PRSS57: variants seen among roughly 807,000 people sequenced by gnomAD.
PRSS57 encodes serine protease 57.
PRSS57 carries 19 observed loss-of-function variants against 20.6 expected under a neutral mutation model. The observed-to-expected ratio is 0.92, with a 90% confidence interval of 0.64 to 1.35. The LOEUF (loss-of-function observed/expected upper bound fraction) is 1.35, where lower values mean the gene tolerates loss of function less well. Ranked by LOEUF, PRSS57 falls within the 40% of genes most tolerant of loss-of-function variation. The pLI is 0.00. For missense variants in PRSS57, 440 were observed against 403.7 expected (o/e 1.09, Z -0.77); for synonymous variants, 203 against 176.6 (o/e 1.15, Z -1.19).
At chr19:692,852 CTTA>C (rs1317511452) in intron 2 of PRSS57, among the ~76,000 whole-genome samples, 1 of 151,800 alleles carries the variant, frequency 6.6e-6, no homozygotes, top group African/African-American at 2.4e-5. Context: ...GAAGATAATA[CTTA>C]TTATATTTAT....
rs375847605 is a variant in PRSS57, at chr19:691,965, C to T, written c.271G>A (p.Val91Ile). 1.3e-5 allele frequency: 17 copies of T among 1,327,386 alleles called. No homozygotes were observed. Among genetic ancestry groups the T allele is most frequent in the Middle Eastern group, 2.0e-4 (1 of 4,968 alleles). The allele number at this position is 1,327,386 out of a possible 1,614,324, so 82.2% of individuals were successfully genotyped here. A position where few individuals can be genotyped will look rare whatever the true frequency, so the allele number is the denominator to read the frequency against. Residue 91 changes from valine to isoleucine, a missense_variant, in exon 3 of 5, where the codon GTC (valine) becomes ATC (isoleucine). Transcript: ENST00000329267. Reference protein sequence around the residue: ...RTGLVVLGAHVLSTAEPTQQV... With the variant: ...RTGLVVLGAHILSTAEPTQQV... ...TGGGTGGGCTCCGCAGTACTCAGGACGTGGGCGCCCAGCACCACCAGGCCA... is the reference window on the plus strand; with the variant it reads ...TGGGTGGGCTCCGCAGTACTCAGGATGTGGGCGCCCAGCACCACCAGGCCA...
intron 3 of PRSS57, chr19:691,241 C>G (rs1464971598): frequency 6.4e-6 from 1 of 155,292 alleles, no homozygotes; most frequent in East Asian, 1.9e-4. Flanking sequence ...CACGATGGCT[C>G]ACGCCTGTAA....
Position 691,983 on chromosome 19 carries a change from C to G in PRSS57, c.253G>C (p.Val85Leu), listed in dbSNP as rs1436562442. Residue 85 changes from valine (V) to leucine (L), a missense_variant, in exon 3 of 5, where the codon GTG becomes CTG. Physicochemically the swap from Val to Leu is conservative, Grantham distance 32 (BLOSUM62 1). Transcript: ENST00000329267. ...CTCAGGACGTGGGCGCCCAGCACCA[C>G]CAGGCCAGTGCGGAGGTCTCTGCAG... ...FSHRDLRTGL[V>L]VLGAHVLSTA... 7.5e-7 allele frequency: 1 copy of G among 1,326,016 alleles called. No homozygotes were observed. Among genetic ancestry groups the G allele is most frequent in the African/African-American group, 1.5e-5 (1 of 66,424 alleles). 82.1% of individuals were successfully genotyped at this position (1,326,016 alleles called of 1,614,324 possible).
In PRSS57 at chr19:685,576, G is replaced by T. The variant is rs572928206; in HGVS notation, c.*140C>A. The stretch of plus-strand genomic sequence containing the variant: ...TTAACATTTTACTGGGTTTGCTTCT[G>T]CCCTTTGCATGTGGAATGGGTGTGC... On this transcript the variant is annotated 3_prime_UTR_variant, in exon 5 of 5. Transcript: ENST00000329267. 6.7e-5 allele frequency: 53 copies of T among 786,596 alleles called. No individual in the cohort carries two copies. The Admixed American group carries it at 1.1e-3, about 17-fold the overall frequency. 48.7% of individuals were successfully genotyped at this position (786,596 alleles called of 1,614,324 possible).
Position 687,046 on chromosome 19 carries a change from A to T in PRSS57, c.521T>A (p.Leu174Gln), listed in dbSNP as rs762235250. 6.2e-7 allele frequency: 1 copy of T among 1,614,050 alleles called. No homozygotes were observed. The part of the protein sequence containing the change: ...VSDFEELPPG[L>Q]MEAKVRVLDP... Reference sequence around the variant, plus strand: ...CAGCACTCGGACCTTGGCCTCCATCAGTCCAGGCGGCAGCTCCTCAAAGTC... The same window carrying T: ...CAGCACTCGGACCTTGGCCTCCATCTGTCCAGGCGGCAGCTCCTCAAAGTC... The change falls in exon 4 of 5, where the codon CTG (leucine) becomes CAG (glutamine). Residue 174 changes from leucine to glutamine, a missense_variant. Transcript: ENST00000329267.
chr19:691,886 G>A lies in PRSS57; in HGVS notation c.350C>T (p.Thr117Ile). The A allele has an allele frequency of 2.2e-6, 3 of 1,338,740 alleles. No homozygotes were observed. The highest frequency in any genetic ancestry group is 2.8e-5 in the East Asian group (1 of 35,830). The allele number at this position is 1,338,740 out of a possible 1,614,324, so 82.9% of individuals were successfully genotyped here. ...CAGCAGGCAGATGTCGTTGGCGTGG[G>A]TCATGGGGTGGTAGTCGGGGTGTGT... ...LTTHPDYHPMTHANDICLLRL... is the reference protein window; with the variant it reads ...LTTHPDYHPMIHANDICLLRL... The change falls in exon 3 of 5, where the codon ACC becomes ATC. Residue 117 changes from threonine to isoleucine, a missense_variant. By Grantham distance (89) the Thr-to-Ile change is moderately conservative. Transcript: ENST00000329267.
intron 2 of PRSS57, among the ~76,000 whole-genome samples, chr19:692,559 G>A (rs1234302772): frequency 6.6e-6 from 1 of 151,294 alleles, no homozygotes; most frequent in Non-Finnish European, 1.5e-5. Context: ...TAAGACTACA[G>A]GCGTGCGCCA....
chr19:687,088 C>A lies in PRSS57; in HGVS notation c.479G>T (p.Gly160Val), dbSNP rs778000699. 1.2e-6 allele frequency: 2 copies of A among 1,613,714 alleles called. No homozygotes were observed. The highest frequency in any genetic ancestry group is 4.5e-5 in the East Asian group (2 of 44,888). Residue 160 changes from glycine (G) to valine (V), a missense_variant, in exon 4 of 5, where the codon GGC becomes GTC. Gly to Val is a moderately radical substitution (Grantham distance 109, BLOSUM62 -3). Transcript: ENST00000329267. Reference protein sequence around the residue: ...PTAGTRCRVAGWGFVSDFEEL... With the variant: ...PTAGTRCRVAVWGFVSDFEEL... Reference sequence around the variant, plus strand: ...CTCAAAGTCAGACACGAAGCCCCAGCCAGCCACCCGGCACCGTGTCCCCGC... The same window carrying A: ...CTCAAAGTCAGACACGAAGCCCCAGACAGCCACCCGGCACCGTGTCCCCGC...
chr19:686,401 A>G (rs1347646307), intron 4 of PRSS57, among the ~76,000 whole-genome samples: 1 of 151,978 alleles, frequency 6.6e-6, no homozygotes, highest in Non-Finnish European at 1.5e-5. Flanking sequence ...CCGCTCTGAT[A>G]CCATCAACTG....
At chr19:689,748 G>A (rs1403276580) in intron 3 of PRSS57, among the ~76,000 whole-genome samples, 5 of 151,818 alleles carry the variant, frequency 3.3e-5, no homozygotes, top group South Asian at 4.2e-4. Context: ...GTGAAACCCC[G>A]TCTCTACTAA....
intron 3 of PRSS57, among the ~76,000 whole-genome samples, chr19:689,515 A>G (rs1447023571): frequency 6.6e-6 from 1 of 152,068 alleles, no homozygotes; most frequent in Non-Finnish European, 1.5e-5. Flanking sequence ...GGTGACAGGC[A>G]TGGATTAGCA....
At chr19:686,883 T>C in intron 4 of PRSS57, 42 bp downstream of exon 4, 1 of 1,584,806 alleles carries the variant, frequency 6.3e-7, no homozygotes, top group Non-Finnish European at 8.6e-7. Context: ...GGGCCTTGGT[T>C]TCCCCACACA....
chr19:688,992 G>A (rs1267015927), intron 3 of PRSS57, among the ~76,000 whole-genome samples: 1 of 152,148 alleles, frequency 6.6e-6, no homozygotes, highest in African/African-American at 2.4e-5. Context: ...CGCCTGCTGT[G>A]TGCCATAAAT....
intron 2 of PRSS57, among the ~76,000 whole-genome samples, chr19:693,388 G>T (rs921655259): frequency 6.6e-6 from 1 of 151,902 alleles, no homozygotes; most frequent in Non-Finnish European, 1.5e-5. Flanking sequence ...GCTCCGGTGC[G>T]GAGGACTCTG....
At position 687,146 on chromosome 19, in the gene PRSS57, T is replaced by TCAGCAGCCC. The variant is rs1445232909; in HGVS notation, c.412_420dup (p.Gly138_Leu140dup). 6.3e-7 allele frequency: 1 copy of TCAGCAGCCC among 1,597,656 alleles called. No homozygotes were observed. Among genetic ancestry groups the TCAGCAGCCC allele is most frequent in the Admixed American group, 1.7e-5 (1 of 58,044 alleles). On this transcript the variant is annotated inframe_insertion, in exon 4 of 5. Coordinates refer to ENST00000329267, the MANE Select transcript of PRSS57 (RefSeq NM_001308209.2). Reference sequence around the variant, plus strand: ...GGCCTGGCCCTTCTCCCTGGCGGCCTCAGCAGCCCCACTGCAGGGCCCAGG... The same window carrying TCAGCAGCCC: ...GGCCTGGCCCTTCTCCCTGGCGGCCTCAGCAGCCCCAGCAGCCCCACTGCAGGGCCCAGG...
intron 3 of PRSS57, 143 bp from the exon 4 acceptor site, chr19:687,331 TC>T (rs2031511543): frequency 1.0e-6 from 1 of 966,928 alleles, no homozygotes; most frequent in South Asian, 1.8e-5. Flanking sequence ...GAGGCCCCGT[TC>T]CTTCTGCCAA....
At chr19:686,150 G>C (rs1184533905) in intron 4 of PRSS57, among the ~76,000 whole-genome samples, 1 of 152,084 alleles carries the variant, frequency 6.6e-6, no homozygotes, top group Admixed American at 6.6e-5. Flanking sequence ...CTGGAGACCT[G>C]TTCCTGCCCT....
At chr19:686,404 A>G (rs1403798315) in intron 4 of PRSS57, among the ~76,000 whole-genome samples, 1 of 151,926 alleles carries the variant, frequency 6.6e-6, no homozygotes, top group African/African-American at 2.4e-5. Flanking sequence ...CTCTGATACC[A>G]TCAACTGGAT....
Position 695,335 on chromosome 19 carries a change from CCCGGGGGGCTCCTCA to C in PRSS57, c.79+2_79+16del. ...ACTTGGCGGGGGCCTGGGTGGGGAT[CCCGGGGGGCTCCTCA>C]CCGGGGGGCTTCACGGGCAGCATCA... On this transcript the variant is annotated splice_donor_variant and splice_donor_5th_base_variant and intron_variant, in intron 1 of 4. Transcript: ENST00000329267. LOFTEE classifies it high-confidence loss of function. 1 of 1,238,260 alleles carries C rather than the reference CCCGGGGGGCTCCTCA, an allele frequency of 8.1e-7. No homozygotes were observed. The highest frequency in any genetic ancestry group is 1.0e-6 in the Non-Finnish European group (1 of 981,040). 76.7% of individuals were successfully genotyped at this position (1,238,260 alleles called of 1,614,324 possible). A position where few individuals can be genotyped will look rare whatever the true frequency, so the allele number is the denominator to read the frequency against.
Sources: gnomAD v4.1 joint callset for allele counts (sites outside exome capture counted in the v4.1 genomes callset) on GRCh38, gnomAD v4.1.1 for gene constraint, MANE v1.5 for transcripts, NCBI Gene and HGNC (gene_info 2026-07-23, HGNC 2026-07-21) for gene names.